MAML3: variants seen among roughly 807,000 people sequenced by gnomAD.
MAML3 encodes the protein mastermind-like protein 3.
A neutral mutation model predicts 101.9 loss-of-function variants in MAML3; 27 were observed. That is an observed-to-expected ratio of 0.27 (90% CI 0.20 to 0.37). MAML3 has a LOEUF of 0.37. Ranked by LOEUF, MAML3 falls within the 10% of genes least tolerant of loss-of-function variation. The pLI, the probability that MAML3 is intolerant of heterozygous loss-of-function variation, is 1.00. For missense variants in MAML3, 1,316 were observed against 1,444.9 expected (o/e 0.91, Z 1.45); for synonymous variants, 501 against 555.9 (o/e 0.90, Z 1.39).
rs1235993699 is a variant in MAML3 at position 139,831,825 on chromosome 4, C to T, written c.2079+57532G>A. Among the ~76,000 whole-genome samples the T allele has an allele frequency of 9.9e-5, 15 of 150,802 alleles. No homozygotes were observed. The South Asian group carries it at 2.3e-3, about 23-fold the overall frequency. On this transcript the variant is annotated intron_variant, in intron 2 of 4. Transcript: ENST00000509479. The stretch of plus-strand genomic sequence containing the variant: ...TTTTTTTTTTTGAGACGGAGTCTTG[C>T]TCTGTCACCCAGGCCAGAGTGCAGT...
At chr4:139,796,828 G>A (rs577841156) in intron 2 of MAML3, among the ~76,000 whole-genome samples, 1 of 152,222 alleles carries the variant, frequency 6.6e-6, no homozygotes, top group South Asian at 2.1e-4. Flanking sequence ...CAAGCACAGT[G>A]ACTGGAATAC....
At chr4:140,061,759 G>A (rs1038911851) in intron 1 of MAML3, among the ~76,000 whole-genome samples, 1 of 152,168 alleles carries the variant, frequency 6.6e-6, no homozygotes, top group Non-Finnish European at 1.5e-5. Flanking sequence ...ACTTCATTTG[G>A]TGTTGGCAGA....
At chr4:139,920,704 G>C (rs1733115951) in intron 1 of MAML3, among the ~76,000 whole-genome samples, 1 of 152,208 alleles carries the variant, frequency 6.6e-6, no homozygotes, top group African/African-American at 2.4e-5. Flanking sequence ...TAATAGAGCA[G>C]AATTAAGTGT....
At chr4:140,047,248 TGG>T (rs1727197168) in intron 1 of MAML3, among the ~76,000 whole-genome samples, 1 of 152,114 alleles carries the variant, frequency 6.6e-6, no homozygotes, top group Non-Finnish European at 1.5e-5. Context: ...GACAGACTGT[TGG>T]GCAAGTGCAG....
chr4:139,748,181 A>C (rs1264963564), intron 2 of MAML3, among the ~76,000 whole-genome samples: 1 of 152,126 alleles, frequency 6.6e-6, no homozygotes, highest in Non-Finnish European at 1.5e-5. Flanking sequence ...CACAGGCTCT[A>C]AGAGGGCCTC....
intron 2 of MAML3, among the ~76,000 whole-genome samples, chr4:139,861,479 G>A (rs1339675929): frequency 7.2e-6 from 1 of 138,308 alleles, no homozygotes; most frequent in South Asian, 2.3e-4. Flanking sequence ...ACCAGCCGAT[G>A]TGTGTGTGTG....
intron 1 of MAML3, among the ~76,000 whole-genome samples, chr4:139,993,814 G>C (rs1203935056): frequency 6.6e-6 from 1 of 151,664 alleles, no homozygotes; most frequent in Non-Finnish European, 1.5e-5. Flanking sequence ...GGCAACAAGA[G>C]CAAAACTCTG....
rs1234611563 is a variant in MAML3, at chr4:140,072,072, T to C, written c.468+80788A>G. 2.0e-5 allele frequency among the ~76,000 whole-genome samples: 3 copies of C among 152,260 alleles called. No homozygotes were observed. In the East Asian group the frequency reaches 5.8e-4, roughly 29 times the overall value. On this transcript the variant is annotated intron_variant, in intron 1 of 4. Transcript: ENST00000509479. ...TTTGTCACCCAGACACTTCCGGCTT[T>C]CATTCCACCCACTCCCTCAACAGTA...
At chr4:139,962,110 G>A (rs564396666) in intron 1 of MAML3, among the ~76,000 whole-genome samples, 1 of 151,996 alleles carries the variant, frequency 6.6e-6, no homozygotes, top group East Asian at 1.9e-4. Flanking sequence ...GCAACAGGGT[G>A]AGATCCTGTT....
intron 1 of MAML3, among the ~76,000 whole-genome samples, chr4:139,919,186 G>T (rs1263050315): frequency 6.6e-6 from 1 of 152,014 alleles, no homozygotes; most frequent in East Asian, 1.9e-4. Context: ...CTTTTCTGGA[G>T]ATCTTTAAAA....
In MAML3 at chr4:139,785,502, T is replaced by A. The variant is rs1171998005; in HGVS notation, c.2080-54835A>T. ...TTTATTTTTGTACGGAATGTGGTGA[T>A]CCCCACTGGCAGGAACAGGTTGCAT... On this transcript the variant is annotated intron_variant, in intron 2 of 4. Transcript: ENST00000509479. This position sits in a 1 kb window ranked among gnomAD's most constrained non-coding sequence, Gnocchi z 4.3. 6.6e-6 allele frequency among the ~76,000 whole-genome samples: 1 copy of A among 152,142 alleles called. No homozygotes were observed. Among genetic ancestry groups the A allele is most frequent in the South Asian group, 2.1e-4 (1 of 4,832 alleles).
Position 140,100,515 on chromosome 4 carries a change from G to T in MAML3, c.468+52345C>A, listed in dbSNP as rs142555918. Among the ~76,000 whole-genome samples, 642 of 152,234 alleles carry T rather than the reference G, an allele frequency of 4.2e-3. 5 individuals carry two copies. Among genetic ancestry groups the T allele is most frequent in the African/African-American group, 0.015 (623 of 41,530 alleles). On this transcript the variant is annotated intron_variant, in intron 1 of 4. Coordinates refer to ENST00000509479, the MANE Select transcript of MAML3 (RefSeq NM_018717.5). ...CTAAACAATGCCCCTGTGAATAGAG[G>T]CATTTCTTAGTGGAAAAACATATAT...
rs1308555431 is a variant in MAML3, at chr4:139,791,054, CTTAAAGATAACTTAGATAGATATTTTGT to C, written c.2080-60415_2080-60388del. 2.0e-5 allele frequency among the ~76,000 whole-genome samples: 3 copies of C among 152,252 alleles called. No homozygotes were observed. In the East Asian group the frequency reaches 5.8e-4, roughly 29 times the overall value. ...TAAACTGATATAAAATTAAGTTAGG[CTTAAAGATAACTTAGATAGATATTTTGT>C]TTAAATATCTTTTAAACTCTTAATA... On this transcript the variant is annotated intron_variant, in intron 2 of 4. Transcript: ENST00000509479.
intron 2 of MAML3, among the ~76,000 whole-genome samples, chr4:139,786,672 T>G (rs1231108609): frequency 6.6e-6 from 1 of 152,176 alleles, no homozygotes; most frequent in African/African-American, 2.4e-5. Flanking sequence ...GTAACAGACA[T>G]ATCTGTCAAT....
intron 1 of MAML3, among the ~76,000 whole-genome samples, chr4:140,150,902 C>T (rs922515256): frequency 3.9e-5 from 6 of 152,176 alleles, no homozygotes. Flanking sequence ...CGAGAACCTC[C>T]CCCGACTCGA....
chr4:140,027,933 G>A (rs1726851803), intron 1 of MAML3, among the ~76,000 whole-genome samples: 1 of 152,118 alleles, frequency 6.6e-6, no homozygotes, highest in Non-Finnish European at 1.5e-5. Flanking sequence ...AAGCTTTATA[G>A]ATTTATGCTG....
At chr4:139,877,094 T>C (rs795972) in intron 2 of MAML3, among the ~76,000 whole-genome samples, 120,989 of 152,158 alleles carry the variant, frequency 0.8, 48,644 homozygotes, top group African/African-American at 0.92. Context: ...AGTTTGGATA[T>C]AATTTGGGGT....
intron 1 of MAML3, among the ~76,000 whole-genome samples, chr4:140,098,325 T>C (rs917933268): frequency 2.0e-5 from 3 of 152,214 alleles, no homozygotes; most frequent in African/African-American, 7.2e-5. Flanking sequence ...GTTTTCTTCA[T>C]CTGTGTAATG....
intron 1 of MAML3, among the ~76,000 whole-genome samples, chr4:139,934,671 T>C (rs1045755594): frequency 2.0e-5 from 3 of 152,184 alleles, no homozygotes; most frequent in Non-Finnish European, 4.4e-5. Context: ...CATGTGTAGT[T>C]AAGGGACTTC....
Sources: allele counts gnomAD v4.1 joint callset (sites outside exome capture counted in the v4.1 genomes callset), GRCh38; gene constraint gnomAD v4.1.1; non-coding constraint Gnocchi (gnomAD v3.1); transcripts MANE v1.5; gene names NCBI Gene and HGNC (gene_info 2026-07-23, HGNC 2026-07-21).